Variants in CEP170 observed in about 807,000 individuals in gnomAD.
CEP170 encodes centrosomal protein of 170 kDa.
In CEP170, 21 loss-of-function variants were observed where a neutral mutation model predicts 151.9. That is an observed-to-expected ratio of 0.14 (90% CI 0.10 to 0.20). CEP170 has a LOEUF of 0.20. CEP170 is among the 10% of genes least tolerant of loss of function. The probability of loss-of-function intolerance (pLI) is 1.00; values close to 1 mark genes in which losing one functional copy is unlikely to be tolerated. For missense variants in CEP170, 964 were observed against 1,892.9 expected (o/e 0.51, Z 9.11); for synonymous variants, 356 against 648.8 (o/e 0.55, Z 6.86).
chr1:243,148,556 A>T (rs1277726210), intron 14 of CEP170, among the ~76,000 whole-genome samples: 1 of 152,120 alleles, frequency 6.6e-6, no homozygotes, highest in Non-Finnish European at 1.5e-5. Context: ...CCTGGGTGAC[A>T]GTGAGACTCT....
At chr1:243,197,758 CAGTTA>C (rs2060755090) in intron 7 of CEP170, among the ~76,000 whole-genome samples, 1 of 151,954 alleles carries the variant, frequency 6.6e-6, no homozygotes, top group Non-Finnish European at 1.5e-5. Flanking sequence ...TCATGGGGTT[CAGTTA>C]TGTGAGCCAG....
At chr1:243,209,434 A>C (rs1179942609) in intron 4 of CEP170, among the ~76,000 whole-genome samples, 2 of 152,048 alleles carry the variant, frequency 1.3e-5, no homozygotes, top group Non-Finnish European at 2.9e-5. Context: ...TGATCTGCCC[A>C]CTTTGGCCTC....
Position 243,126,417 on chromosome 1 carries a change from C to T in CEP170, c.*32G>A. The T allele has an allele frequency of 6.3e-7, 1 of 1,579,170 alleles. No individual in the cohort carries two copies. Among genetic ancestry groups the T allele is most frequent in the Non-Finnish European group, 8.6e-7 (1 of 1,159,440 alleles). ...GCTTCCAATATTCCTAGCCATTCCA[C>T]AGGTAATGATTTTTCAACAATCAAG... On this transcript the variant is annotated 3_prime_UTR_variant, in exon 20 of 20. Coordinates refer to ENST00000366542, the MANE Select transcript of CEP170 (RefSeq NM_014812.3).
chr1:243,211,263 C>T (rs916389516), intron 4 of CEP170: 2 of 152,010 alleles, frequency 1.3e-5, no homozygotes, highest in African/African-American at 2.4e-5. Context: ...AGATTCTTCA[C>T]GCTGCCCCAT....
At chr1:243,205,538 C>T (rs1373856583) in intron 4 of CEP170, among the ~76,000 whole-genome samples, 1 of 152,138 alleles carries the variant, frequency 6.6e-6, no homozygotes, top group African/African-American at 2.4e-5. Context: ...AGTTTACTGA[C>T]CCCCCACAGT....
chr1:243,221,202 G>T (rs1470425920), intron 3 of CEP170, among the ~76,000 whole-genome samples: 1 of 152,038 alleles, frequency 6.6e-6, no homozygotes. Flanking sequence ...TTTTTTGCAT[G>T]TTTAGTAGAG....
chr1:243,251,010 T>C lies in CEP170; in HGVS notation c.-42+4030A>G, dbSNP rs79347079. On this transcript the variant is annotated intron_variant, in intron 1 of 19. Coordinates refer to ENST00000366542, the MANE Select transcript of CEP170 (RefSeq NM_014812.3). ...GTGAGGGATGGCAAAGGAAACCATA[T>C]GAAGTTGGAGGTGTCCTAACATTTA... Among the ~76,000 whole-genome samples, 1,356 of 152,310 alleles carry C rather than the reference T, an allele frequency of 8.9e-3. 21 individuals carry two copies. The highest frequency in any genetic ancestry group is 0.031 in the African/African-American group (1,272 of 41,580).
At chr1:243,199,537 C>T (rs372224284) in intron 6 of CEP170, among the ~76,000 whole-genome samples, 1 of 151,984 alleles carries the variant, frequency 6.6e-6, no homozygotes, top group African/African-American at 2.4e-5. Context: ...AAAGTGACCT[C>T]AGAAGAACAA....
At chr1:243,219,953 A>C (rs2062639880) in intron 3 of CEP170, among the ~76,000 whole-genome samples, 1 of 152,244 alleles carries the variant, frequency 6.6e-6, no homozygotes, top group African/African-American at 2.4e-5. Flanking sequence ...TCAAGGACAC[A>C]AAGGCTTATG....
At chr1:243,175,882 C>T (rs891291545) in intron 10 of CEP170, among the ~76,000 whole-genome samples, 66 of 152,122 alleles carry the variant, frequency 4.3e-4, no homozygotes, top group Non-Finnish European at 7.9e-4. Context: ...CTGCAAGCTC[C>T]GCCTCCCGGG....
chr1:243,253,333 C>T (rs1409184603), intron 1 of CEP170: 2 of 152,166 alleles, frequency 1.3e-5, no homozygotes, highest in African/African-American at 4.8e-5. Flanking sequence ...AGAAGCTTTC[C>T]ATACATTTTC....
intron 13 of CEP170, among the ~76,000 whole-genome samples, chr1:243,159,254 A>G (rs1374427042): frequency 6.6e-6 from 1 of 152,096 alleles, no homozygotes; most frequent in Non-Finnish European, 1.5e-5. Context: ...AGTGGAAAAC[A>G]TATCACACAT....
chr1:243,126,046 A>C lies in CEP170; in HGVS notation c.*403T>G. 1 of 454,086 alleles carries C rather than the reference A, an allele frequency of 2.2e-6. No individual in the cohort carries two copies. The highest frequency in any genetic ancestry group is 1.6e-5 in the South Asian group (1 of 64,212). The allele number at this position is 454,086 out of a possible 1,614,324, so 28.1% of individuals were successfully genotyped here. On this transcript the variant is annotated 3_prime_UTR_variant, in exon 20 of 20. Transcript: ENST00000366542. ...TGGTTTAACAAATCTGTACAGATGA[A>C]GAAGTCCATTTCAGGGAGCAGCTTG...
At chr1:243,203,728 A>C (rs922208727) in intron 4 of CEP170, among the ~76,000 whole-genome samples, 1 of 152,170 alleles carries the variant, frequency 6.6e-6, no homozygotes, top group African/African-American at 2.4e-5. Context: ...GAAATTCTTA[A>C]GGTTACCCAA....
intron 3 of CEP170, among the ~76,000 whole-genome samples, chr1:243,219,208 C>G (rs569661682): frequency 1.8e-4 from 28 of 152,292 alleles, no homozygotes; most frequent in African/African-American, 6.7e-4. Flanking sequence ...ACATTTAATC[C>G]TCATAACAAT....
intron 10 of CEP170, among the ~76,000 whole-genome samples, chr1:243,174,733 T>G (rs188503765): frequency 2.0e-5 from 3 of 152,206 alleles, no homozygotes; most frequent in Non-Finnish European, 4.4e-5. Flanking sequence ...GGAAGCACAA[T>G]GTACAGAAGG....
rs750235039 is a variant in CEP170, at chr1:243,172,771, A to C, written c.1642T>G (p.Trp548Gly). Residue 548 changes from tryptophan to glycine, a missense_variant, in exon 11 of 20, where the codon TGG becomes GGG. Coordinates refer to ENST00000366542, the MANE Select transcript of CEP170 (RefSeq NM_014812.3). ...ACTGCTGCAGCAGAACTGAGAGCCCAATCTTTTATTAGATCTTTATGTTTT... is the reference window on the plus strand; with the variant it reads ...ACTGCTGCAGCAGAACTGAGAGCCCCATCTTTTATTAGATCTTTATGTTTT... ...NEKHKDLIKD[W>G]ALSSAAAVME... 6.3e-7 allele frequency: 1 copy of C among 1,575,350 alleles called. No homozygotes were observed. Among genetic ancestry groups the C allele is most frequent in the Non-Finnish European group, 8.6e-7 (1 of 1,159,286 alleles).
At chr1:243,220,734 A>G (rs536983090) in intron 3 of CEP170, among the ~76,000 whole-genome samples, 1 of 152,324 alleles carries the variant, frequency 6.6e-6, no homozygotes, top group East Asian at 1.9e-4. Context: ...TGTTAGCAGA[A>G]CCATAAGCAA....
chr1:243,230,310 G>A (rs957587302), intron 1 of CEP170, among the ~76,000 whole-genome samples: 2 of 151,304 alleles, frequency 1.3e-5, no homozygotes, highest in African/African-American at 4.9e-5. Flanking sequence ...CAAAACAAAT[G>A]AATAAATAAA....
Sources: allele counts gnomAD v4.1 joint callset (sites outside exome capture counted in the v4.1 genomes callset), GRCh38; gene constraint gnomAD v4.1.1; transcripts MANE v1.5; gene names NCBI Gene and HGNC (gene_info 2026-07-23, HGNC 2026-07-21).